PCLO: variants seen among roughly 807,000 people sequenced by gnomAD.
The protein encoded by PCLO is protein piccolo.
In PCLO, 82 loss-of-function variants were observed where a neutral mutation model predicts 427.5. The observed-to-expected ratio is 0.19, with a 90% confidence interval of 0.16 to 0.23. The LOEUF (loss-of-function observed/expected upper bound fraction) is 0.23, where lower values mean the gene tolerates loss of function less well. Ranked by LOEUF, PCLO falls within the 10% of genes least tolerant of loss-of-function variation. The pLI, the probability that PCLO is intolerant of heterozygous loss-of-function variation, is 1.00. For missense variants in PCLO, 6,239 were observed against 6,115.9 expected (o/e 1.02, Z -0.67); for synonymous variants, 2,357 against 2,155.4 (o/e 1.09, Z -2.59).
intron 14 of PCLO, among the ~76,000 whole-genome samples, chr7:82,840,107 G>T (rs1313438763): frequency 6.6e-6 from 1 of 152,012 alleles, no homozygotes; most frequent in Non-Finnish European, 1.5e-5. Flanking sequence ...TTTAAAAATA[G>T]TAGGAAAGAG....
intron 8 of PCLO, among the ~76,000 whole-genome samples, chr7:82,907,463 G>A (rs1794218758): frequency 6.6e-6 from 1 of 151,876 alleles, no homozygotes; most frequent in Non-Finnish European, 1.5e-5. Flanking sequence ...AGTAATTGTA[G>A]ATAAAAGGAG....
At chr7:82,759,212 T>C (rs1475259189) in intron 24 of PCLO, among the ~76,000 whole-genome samples, 2 of 151,920 alleles carry the variant, frequency 1.3e-5, no homozygotes, top group Non-Finnish European at 2.9e-5. Context: ...TCTGAAGTCA[T>C]ATGCAGAACT....
chr7:82,944,602 C>T (rs2116396418), intron 6 of PCLO, among the ~76,000 whole-genome samples: 1 of 152,214 alleles, frequency 6.6e-6, no homozygotes, highest in South Asian at 2.1e-4. Context: ...TCAAAAATGG[C>T]TACCAGGTAT....
intron 3 of PCLO, among the ~76,000 whole-genome samples, chr7:83,022,778 C>T (rs1337383745): frequency 6.6e-6 from 1 of 152,066 alleles, no homozygotes; most frequent in African/African-American, 2.4e-5. Flanking sequence ...ATTTCTTTGC[C>T]TTGTGTAACA....
intron 22 of PCLO, among the ~76,000 whole-genome samples, chr7:82,794,276 A>G (rs1339967100): frequency 1.3e-5 from 2 of 151,718 alleles, no homozygotes; most frequent in Non-Finnish European, 2.9e-5. Context: ...AATGTGTTGT[A>G]TTTTGAATAA....
intron 3 of PCLO, among the ~76,000 whole-genome samples, chr7:83,079,421 C>T (rs1006527476): frequency 3.3e-5 from 5 of 151,918 alleles, no homozygotes; most frequent in Admixed American, 2.6e-4. Flanking sequence ...GTAGAAATAA[C>T]TCTGCTGGAA....
intron 3 of PCLO, among the ~76,000 whole-genome samples, chr7:83,018,982 A>T (rs546208420): frequency 1.3e-5 from 2 of 152,196 alleles, no homozygotes; most frequent in Admixed American, 1.3e-4. Context: ...AAATAAAAGA[A>T]GTGATAATGA....
At chr7:82,775,736 T>C (rs1790736394) in intron 22 of PCLO, among the ~76,000 whole-genome samples, 2 of 152,202 alleles carry the variant, frequency 1.3e-5, no homozygotes, top group African/African-American at 4.8e-5. Flanking sequence ...AGTCCGATTA[T>C]TGAATTTTTC....
chr7:83,014,094 T>C (rs371166769), intron 3 of PCLO, among the ~76,000 whole-genome samples: 14 of 152,148 alleles, frequency 9.2e-5, no homozygotes, highest in African/African-American at 3.1e-4. Flanking sequence ...CACTTGTCAC[T>C]GTGAGGAAAG....
chr7:82,932,713 T>C (rs1365794578), intron 6 of PCLO, among the ~76,000 whole-genome samples: 1 of 152,122 alleles, frequency 6.6e-6, no homozygotes, highest in East Asian at 1.9e-4. Flanking sequence ...TGATGACTTT[T>C]ACTACATAAA....
intron 22 of PCLO, among the ~76,000 whole-genome samples, chr7:82,762,801 T>G (rs1790458323): frequency 6.6e-6 from 1 of 152,026 alleles, no homozygotes; most frequent in Non-Finnish European, 1.5e-5. Flanking sequence ...TCTCTTTCAT[T>G]TCTTTCTTTC....
At chr7:82,809,304 T>C (rs1460484626) in intron 20 of PCLO, among the ~76,000 whole-genome samples, 1 of 151,806 alleles carries the variant, frequency 6.6e-6, no homozygotes, top group Admixed American at 6.6e-5. Flanking sequence ...GGAAGCCCTC[T>C]CAGTCCATTC....
chr7:82,916,745 G>A lies in PCLO; in HGVS notation c.11241C>T (p.Ser3747=). Residue 3747 remains serine, a synonymous_variant, in exon 7 of 25, where the codon TCC becomes TCT. Coordinates refer to ENST00000333891, the MANE Select transcript of PCLO (RefSeq NM_033026.6). ...TGTTGGTTCTGCAGATCCTTCTCCT[G>A]GAAACTGTGCCCATTGTGCTGAATG... ...QSTFSTMGTV[S]RRRICRTNTM... The A allele has an allele frequency of 1.2e-6, 2 of 1,613,606 alleles. No individual in the cohort carries two copies. The highest frequency in any genetic ancestry group is 1.7e-6 in the Non-Finnish European group (2 of 1,179,698).
At chr7:82,759,437 T>C (rs1448858775) in intron 24 of PCLO, among the ~76,000 whole-genome samples, 2 of 151,952 alleles carry the variant, frequency 1.3e-5, no homozygotes, top group African/African-American at 2.4e-5. Flanking sequence ...CTATCTCTTC[T>C]GGTTTCTGGT....
rs1336554784 is a variant in PCLO, at chr7:82,761,373, G to C, written c.15128C>G (p.Pro5043Arg). The C allele has an allele frequency of 6.7e-7, 1 of 1,481,732 alleles. No individual in the cohort carries two copies. The highest frequency in any genetic ancestry group is 1.9e-5 in the Admixed American group (1 of 53,202). 91.8% of individuals were successfully genotyped at this position (1,481,732 alleles called of 1,614,324 possible). ...CRNITYKFKS[P>R]DHLPDLYVKI... Reference sequence around the variant, plus strand: ...GAATTAGATACCTGGTAGATGATCAGGAGACTTAAATTTGTATGTAATATT... The same window carrying C: ...GAATTAGATACCTGGTAGATGATCACGAGACTTAAATTTGTATGTAATATT... Residue 5043 changes from proline (P) to arginine (R), a missense_variant, in exon 23 of 25, where the codon CCT becomes CGT. By Grantham distance (103) the Pro-to-Arg change is moderately radical. This residue lies in a region of PCLO where 877 missense variants were observed against 925.5 expected (regional missense o/e 0.95). Coordinates refer to ENST00000333891, the MANE Select transcript of PCLO (RefSeq NM_033026.6).
intron 10 of PCLO, among the ~76,000 whole-genome samples, chr7:82,855,158 T>G (rs2115871315): frequency 6.6e-6 from 1 of 152,244 alleles, no homozygotes; most frequent in East Asian, 1.9e-4. Context: ...ACAATAAAAA[T>G]ATTGTTCAAA....
chr7:83,109,380 C>T (rs988072281), intron 3 of PCLO, among the ~76,000 whole-genome samples: 4 of 152,056 alleles, frequency 2.6e-5, no homozygotes, highest in Admixed American at 2.6e-4. Context: ...ATATGTTCCC[C>T]ACTCTTCATT....
At chr7:82,897,874 A>G (rs1465535774) in intron 9 of PCLO, among the ~76,000 whole-genome samples, 1 of 151,406 alleles carries the variant, frequency 6.6e-6, no homozygotes, top group African/African-American at 2.4e-5. Context: ...GTTTGGGGAA[A>G]CATATCCACT....
intron 3 of PCLO, among the ~76,000 whole-genome samples, chr7:82,996,752 C>A (rs576842238): frequency 6.6e-6 from 1 of 152,086 alleles, no homozygotes; most frequent in Admixed American, 6.6e-5. Context: ...CCAAAAGATA[C>A]TATAGTGACT....
Sources: allele counts gnomAD v4.1 joint callset (sites outside exome capture counted in the v4.1 genomes callset), GRCh38; gene constraint gnomAD v4.1.1; regional missense constraint gnomAD v4.1.1; transcripts MANE v1.5; gene names NCBI Gene and HGNC (gene_info 2026-07-23, HGNC 2026-07-21).